The following VIT variants were observed in gnomAD, a reference collection of about 807,000 sequenced individuals.
The protein encoded by VIT is vitrin.
In VIT, 99 loss-of-function variants were observed where a neutral mutation model predicts 78.0. The ratio of observed to expected loss-of-function variants is 1.27; its 90% confidence interval spans 1.08 to 1.50. The LOEUF is 1.50. VIT is among the 40% of genes most tolerant of loss of function. The pLI is 0.00. For missense variants in VIT, 1,126 were observed against 875.3 expected (o/e 1.29, Z -3.61); for synonymous variants, 374 against 334.3 (o/e 1.12, Z -1.29).
chr2:36,807,035 G>A (rs1666781420), intron 14 of VIT, among the ~76,000 whole-genome samples: 1 of 152,100 alleles, frequency 6.6e-6, no homozygotes, highest in Admixed American at 6.5e-5. Flanking sequence ...ACCCATCCCA[G>A]AGGGCAGTGT....
chr2:36,772,176 A>G (rs1669802040), intron 7 of VIT, among the ~76,000 whole-genome samples: 1 of 152,084 alleles, frequency 6.6e-6, no homozygotes, highest in African/African-American at 2.4e-5. Context: ...TGGGAGGCCG[A>G]GGCAGGAGGA....
chr2:36,768,088 C>T (rs188423706), intron 7 of VIT, among the ~76,000 whole-genome samples: 109 of 152,278 alleles, frequency 7.2e-4, no homozygotes, highest in East Asian at 5.6e-3. Flanking sequence ...TCCCCCTCTC[C>T]GCTCCCATAG....
chr2:36,788,581 A>G (rs1221580584), intron 12 of VIT, among the ~76,000 whole-genome samples: 1 of 152,210 alleles, frequency 6.6e-6, no homozygotes, highest in East Asian at 1.9e-4. Context: ...GAAGTTTTTG[A>G]GTTGAAATAA....
chr2:36,727,707 C>T (rs1041089981), intron 2 of VIT, among the ~76,000 whole-genome samples: 33 of 152,160 alleles, frequency 2.2e-4, no homozygotes, highest in African/African-American at 7.7e-4. Flanking sequence ...AGTCAACAGC[C>T]GCCTGTAAGA....
At chr2:36,799,562 G>GA (rs1422889150) in intron 12 of VIT, among the ~76,000 whole-genome samples, 4 of 152,016 alleles carry the variant, frequency 2.6e-5, no homozygotes, top group Non-Finnish European at 5.9e-5. Flanking sequence ...TACAAAAAAT[G>GA]AAAAAATTTG....
intron 12 of VIT, among the ~76,000 whole-genome samples, chr2:36,795,794 G>A (rs1665854998): frequency 1.3e-5 from 2 of 151,978 alleles, no homozygotes; most frequent in Non-Finnish European, 2.9e-5. Flanking sequence ...CTTGTCTTTG[G>A]TGATTTTGCT....
At chr2:36,739,146 GA>G (rs1456837986) in intron 3 of VIT, among the ~76,000 whole-genome samples, 5 of 144,364 alleles carry the variant, frequency 3.5e-5, no homozygotes, top group Admixed American at 6.8e-5. Context: ...ATACATAAGT[GA>G]TTTTTTTTAT....
chr2:36,737,397 G>T (rs974028343), intron 3 of VIT, among the ~76,000 whole-genome samples: 2 of 152,178 alleles, frequency 1.3e-5, no homozygotes, highest in African/African-American at 4.8e-5. Context: ...ACTCCTGAGA[G>T]TTTTCTAAGC....
chr2:36,814,442 AC>A lies in VIT; in HGVS notation c.*82del, dbSNP rs1457912469. 9 of 1,509,986 alleles carry A rather than the reference AC, an allele frequency of 6.0e-6. No individual in the cohort carries two copies. In the East Asian group the frequency reaches 1.8e-4, roughly 31 times the overall value. 93.5% of individuals were successfully genotyped at this position (1,509,986 alleles called of 1,614,324 possible). ...CACCCCACCGCTTAATGGGGCACGC[AC>A]GGTGCATCAAGTCTTGGGCAGGGCA... On this transcript the variant is annotated 3_prime_UTR_variant, in exon 16 of 16. Transcript: ENST00000379242.
chr2:36,731,342 C>T (rs986766580), intron 3 of VIT, among the ~76,000 whole-genome samples: 3 of 152,098 alleles, frequency 2.0e-5, no homozygotes, highest in African/African-American at 7.2e-5. Context: ...GGCGCAATCT[C>T]GGCTAACTGC....
At chr2:36,732,302 T>C (rs1247813042) in intron 3 of VIT, among the ~76,000 whole-genome samples, 1 of 152,260 alleles carries the variant, frequency 6.6e-6, no homozygotes, top group Non-Finnish European at 1.5e-5. Flanking sequence ...GAATTTCTGA[T>C]ATGCTAAATT....
intron 9 of VIT, 56 bp from the exon 10 acceptor site, chr2:36,781,671 T>C (rs1418984809): frequency 6.3e-7 from 1 of 1,589,836 alleles, no homozygotes; most frequent in East Asian, 2.2e-5. Context: ...CACTCAAGAG[T>C]TTCTGCTGGT....
chr2:36,800,067 C>T (rs1487198764), intron 12 of VIT, among the ~76,000 whole-genome samples: 1 of 146,558 alleles, frequency 6.8e-6, no homozygotes, highest in East Asian at 2.0e-4. Flanking sequence ...AAAAAAATGG[C>T]CGGGCACGGT....
chr2:36,717,171 G>A (rs1193727594), intron 2 of VIT, among the ~76,000 whole-genome samples: 2 of 147,420 alleles, frequency 1.4e-5, no homozygotes, highest in East Asian at 2.1e-4. Flanking sequence ...CACCACGCCC[G>A]GCCAGAGATG....
At chr2:36,730,535 A>C (rs1667137069) in intron 3 of VIT, among the ~76,000 whole-genome samples, 1 of 152,150 alleles carries the variant, frequency 6.6e-6, no homozygotes, top group African/African-American at 2.4e-5. Flanking sequence ...AAGGGCACAT[A>C]ATAGGGATGC....
rs148280654 is a variant in VIT, at chr2:36,728,331, A to C, written c.53-1095A>C. ...TTAACCAAAAGATTTTAAAAGTAAAAAATTTTAAAATCTCAAAAATAGAAA... is the reference window on the plus strand; with the variant it reads ...TTAACCAAAAGATTTTAAAAGTAAACAATTTTAAAATCTCAAAAATAGAAA... On this transcript the variant is annotated intron_variant, in intron 2 of 15. Transcript: ENST00000379242. Among the ~76,000 whole-genome samples the C allele has an allele frequency of 1.1e-4, 17 of 152,310 alleles. No homozygotes were observed. In the East Asian group the frequency reaches 3.3e-3, roughly 29 times the overall value.
At chr2:36,759,597 T>G (rs1439590036) in intron 6 of VIT, 65 of 1,051,206 alleles carry the variant, frequency 6.2e-5, no homozygotes, top group Non-Finnish European at 7.3e-5. Flanking sequence ...CTGTGTTAAA[T>G]CAAGAACTGT....
chr2:36,702,416 T>TTTA (rs1553358427), intron 1 of VIT, among the ~76,000 whole-genome samples: 28 of 151,458 alleles, frequency 1.8e-4, no homozygotes, highest in African/African-American at 4.4e-4. Context: ...TTTTTTTTTT[T>TTTA]AAAAAAGACC....
chr2:36,715,461 G>A (rs752239047), intron 1 of VIT, among the ~76,000 whole-genome samples: 4 of 149,336 alleles, frequency 2.7e-5, no homozygotes, highest in Non-Finnish European at 6.0e-5. Context: ...GCTTAAACTC[G>A]GGAGGCAGAG....
Sources: gnomAD v4.1 joint callset for allele counts (sites outside exome capture counted in the v4.1 genomes callset) on GRCh38, gnomAD v4.1.1 for gene constraint, MANE v1.5 for transcripts, NCBI Gene and HGNC (gene_info 2026-07-23, HGNC 2026-07-21) for gene names.